Variants in LCORL observed in about 807,000 individuals in gnomAD.
LCORL encodes ligand-dependent nuclear receptor corepressor-like protein.
LCORL carries 41 observed loss-of-function variants against 141.8 expected under a neutral mutation model. The observed-to-expected ratio is 0.29, with a 90% CI of 0.23 to 0.38. The LOEUF (loss-of-function observed/expected upper bound fraction) is 0.38. Ranked by LOEUF, LCORL falls within the 10% of genes least tolerant of loss-of-function variation. The pLI is 1.00. For synonymous variants in LCORL, 618 were observed against 694.1 expected (o/e 0.89, Z 1.72); for missense variants, 1,759 against 2,035.0 (o/e 0.86, Z 2.61).
At chr4:17,926,916 T>TA (rs1735242507) in intron 4 of LCORL, among the ~76,000 whole-genome samples, 1 of 152,250 alleles carries the variant, frequency 6.6e-6, no homozygotes, top group Non-Finnish European at 1.5e-5. Flanking sequence ...AAGCCATAGT[T>TA]GCATTAGGCC....
intron 1 of LCORL, among the ~76,000 whole-genome samples, chr4:17,994,811 A>ATT (rs11430330): frequency 2.0e-5 from 3 of 151,368 alleles, no homozygotes; most frequent in South Asian, 2.1e-4. Flanking sequence ...AATTTATGTG[A>ATT]TTTTTTTATT....
intron 1 of LCORL, among the ~76,000 whole-genome samples, chr4:18,001,236 T>A (rs1397929562): frequency 6.6e-6 from 1 of 152,130 alleles, no homozygotes; most frequent in Non-Finnish European, 1.5e-5. Context: ...ATACTCAAGA[T>A]TATTGTGAGG....
chr4:17,841,827 GTATGT>G, exon 8 of LCORL: 1 of 153,470 alleles, frequency 6.5e-6, no homozygotes, highest in East Asian at 1.9e-4. Flanking sequence ...AATTGGTCAT[GTATGT>G]TATTTTACAA....
intron 7 of LCORL, among the ~76,000 whole-genome samples, chr4:17,866,373 C>T (rs533660279): frequency 2.0e-5 from 3 of 152,294 alleles, no homozygotes; most frequent in South Asian, 2.1e-4. Flanking sequence ...TCAATGTCTG[C>T]CTCTCCAAAT....
intron 4 of LCORL, among the ~76,000 whole-genome samples, chr4:17,938,269 A>T (rs1737209466): frequency 6.6e-6 from 1 of 151,866 alleles, no homozygotes; most frequent in South Asian, 2.1e-4. Context: ...GGCCTCCCAA[A>T]GTGCTGGGAT....
At chr4:17,888,950 G>C (rs1301835436) in intron 5 of LCORL, among the ~76,000 whole-genome samples, 2 of 151,908 alleles carry the variant, frequency 1.3e-5, no homozygotes, top group Admixed American at 6.6e-5. Flanking sequence ...GTTACTCTTA[G>C]TCTCAGAATG....
At chr4:17,988,657 A>G (rs2109763369) in intron 1 of LCORL, among the ~76,000 whole-genome samples, 1 of 152,314 alleles carries the variant, frequency 6.6e-6, no homozygotes, top group South Asian at 2.1e-4. Flanking sequence ...TCTTGCTTAT[A>G]GTTTTTATAA....
intron 1 of LCORL, among the ~76,000 whole-genome samples, chr4:17,980,790 T>C (rs768668811): frequency 6.6e-6 from 1 of 152,202 alleles, no homozygotes; most frequent in African/African-American, 2.4e-5. Flanking sequence ...CATTACCTCC[T>C]GAGCTGTGGC....
chr4:17,863,600 G>T (rs1180805330), intron 7 of LCORL, among the ~76,000 whole-genome samples: 4 of 152,132 alleles, frequency 2.6e-5, no homozygotes, highest in Non-Finnish European at 5.9e-5. Context: ...TTATCAAAGA[G>T]CTAAAAATAG....
In LCORL at chr4:17,924,379, ATGGACT is replaced by A. The variant is rs1438245525; in HGVS notation, c.431-15040_431-15035del. Among the ~76,000 whole-genome samples the A allele has an allele frequency of 4.6e-5, 7 of 152,280 alleles. No individual in the cohort carries two copies. The South Asian group carries it at 1.5e-3, about 32-fold the overall frequency. On this transcript the variant is annotated intron_variant, in intron 4 of 7. Transcript: ENST00000635767. ...GGAGGTTACACATGGGTTTAGCAAC[ATGGACT>A]TCCAATCACCAAGGCTGACCTGGCT...
At chr4:17,937,528 A>AT (rs1737065476) in intron 4 of LCORL, among the ~76,000 whole-genome samples, 1 of 152,214 alleles carries the variant, frequency 6.6e-6, no homozygotes, top group Non-Finnish European at 1.5e-5. Flanking sequence ...TTCACTAATA[A>AT]TTTCATTCTT....
rs60736894 is a variant in LCORL, at chr4:17,885,357, CAA to C, written c.776+709_776+710del. On this transcript the variant is annotated intron_variant, in intron 6 of 7. Coordinates refer to ENST00000635767, the Ensembl canonical transcript of LCORL. ...TATTTCAAATTATCATTGTAATTTT[CAA>C]AGTTTCTCAAACAGAAAGCTTACTA... 3.6e-3 allele frequency among the ~76,000 whole-genome samples: 542 copies of C among 151,954 alleles called. 4 individuals are homozygous for C. Among genetic ancestry groups the C allele is most frequent in the African/African-American group, 0.012 (500 of 41,486 alleles).
At chr4:17,894,675 T>G (rs1315700012) in intron 5 of LCORL, among the ~76,000 whole-genome samples, 1 of 152,188 alleles carries the variant, frequency 6.6e-6, no homozygotes, top group East Asian at 1.9e-4. Context: ...TCACACATCA[T>G]GTAGCTTCTG....
At chr4:17,903,385 G>A (rs1731162399) in intron 5 of LCORL, among the ~76,000 whole-genome samples, 1 of 151,976 alleles carries the variant, frequency 6.6e-6, no homozygotes, top group South Asian at 2.1e-4. Context: ...GTATAGGATT[G>A]CCTATGCTTC....
chr4:17,982,779 T>C (rs1306807358), intron 1 of LCORL, among the ~76,000 whole-genome samples: 1 of 152,214 alleles, frequency 6.6e-6, no homozygotes, highest in Non-Finnish European at 1.5e-5. Context: ...TTAGTTCCCA[T>C]TTGCCAATTT....
chr4:17,931,449 A>G (rs377060900), intron 4 of LCORL, among the ~76,000 whole-genome samples: 1 of 151,998 alleles, frequency 6.6e-6, no homozygotes, highest in African/African-American at 2.4e-5. Flanking sequence ...CTGTAAATAC[A>G]TAAGGCTGTT....
At chr4:17,996,318 T>C (rs914589396) in intron 1 of LCORL, among the ~76,000 whole-genome samples, 5 of 152,090 alleles carry the variant, frequency 3.3e-5, no homozygotes, top group Non-Finnish European at 5.9e-5. Context: ...TCTAGATGTA[T>C]AGAGAAATGA....
chr4:17,902,878 AT>A (rs1263465246), intron 5 of LCORL, among the ~76,000 whole-genome samples: 1 of 152,128 alleles, frequency 6.6e-6, no homozygotes, highest in African/African-American at 2.4e-5. Context: ...TTAAAAAAAA[AT>A]CTTACTCATC....
chr4:17,872,473 A>G (rs1726466688), intron 7 of LCORL, among the ~76,000 whole-genome samples: 3 of 152,134 alleles, frequency 2.0e-5, no homozygotes, highest in South Asian at 4.1e-4. Flanking sequence ...GCGCTTTAAG[A>G]AAGTTTACAA....
Sources: allele counts gnomAD v4.1 joint callset (sites outside exome capture counted in the v4.1 genomes callset), GRCh38; gene constraint gnomAD v4.1.1; transcripts MANE v1.5; gene names NCBI Gene and HGNC (gene_info 2026-07-23, HGNC 2026-07-21).